Variants in HFM1 observed in about 807,000 individuals in gnomAD.
HFM1 encodes the protein probable ATP-dependent DNA helicase HFM1.
Under a neutral mutation model 192.1 loss-of-function variants are expected in HFM1, and 169 were observed. The observed-to-expected ratio is 0.88, with a 90% CI of 0.78 to 1.00. The LOEUF (loss-of-function observed/expected upper bound fraction) is 1.00. Among genes scored for constraint, HFM1 ranks in the 50% least tolerant of loss-of-function variants. The probability of loss-of-function intolerance (pLI) is 0.00; values close to 1 mark genes in which losing one functional copy is unlikely to be tolerated. For synonymous variants in HFM1, 525 were observed against 537.8 expected, an observed-to-expected ratio of 0.98 and a Z score of 0.33; for missense variants, 1,661 against 1,668.0, an observed-to-expected ratio of 1.00 and a Z score of 0.07.
At chr1:91,377,548 C>G (rs1286560417) in intron 11 of HFM1, 2 of 156,808 alleles carry the variant, frequency 1.3e-5, no homozygotes, top group Admixed American at 1.3e-4. Flanking sequence ...TCCATGTACC[C>G]CATTAACCAT....
chr1:91,287,764 A>G (rs1307104610), intron 30 of HFM1, among the ~76,000 whole-genome samples: 1 of 151,540 alleles, frequency 6.6e-6, no homozygotes, highest in Non-Finnish European at 1.5e-5. Flanking sequence ...GAAAACTTTG[A>G]AAAAAATTTA....
At chr1:91,337,180 CAT>C (rs1654707936) in intron 20 of HFM1, among the ~76,000 whole-genome samples, 1 of 152,146 alleles carries the variant, frequency 6.6e-6, no homozygotes, top group Admixed American at 6.5e-5. Flanking sequence ...CACCATGCCA[CAT>C]GTTTACCTGT....
intron 18 of HFM1, among the ~76,000 whole-genome samples, chr1:91,347,973 C>T (rs149144138): frequency 1.2e-4 from 18 of 152,050 alleles, no homozygotes; most frequent in African/African-American, 2.6e-4. Flanking sequence ...TTCATATAAA[C>T]GGAATCTTTT....
chr1:91,305,923 G>C lies in HFM1; in HGVS notation c.3391+7426C>G, dbSNP rs367964656. Reference sequence around the variant, plus strand: ...TTACTAAGACTTCCAGCACAATGTCGAATAGAAATAATAACACAGAGCATT... The same window carrying C: ...TTACTAAGACTTCCAGCACAATGTCCAATAGAAATAATAACACAGAGCATT... On this transcript the variant is annotated intron_variant, in intron 30 of 38. Transcript: ENST00000370425. Among the ~76,000 whole-genome samples, 38 of 152,122 alleles carry C rather than the reference G, an allele frequency of 2.5e-4. No homozygotes were observed. In the East Asian group the frequency reaches 6.8e-3, roughly 27 times the overall value.
At chr1:91,369,344 T>C (rs1229037777) in intron 13 of HFM1, among the ~76,000 whole-genome samples, 2 of 152,178 alleles carry the variant, frequency 1.3e-5, no homozygotes, top group African/African-American at 2.4e-5. Flanking sequence ...ACCACATAGT[T>C]GGAAGTAAAG....
intron 30 of HFM1, 100 bp from the exon 31 acceptor site, chr1:91,277,162 A>G (rs1349536293): frequency 1.2e-5 from 7 of 600,942 alleles, no homozygotes; most frequent in Non-Finnish European, 1.9e-5. Context: ...TTCAGACAAT[A>G]CAAAAATATT....
intron 30 of HFM1, among the ~76,000 whole-genome samples, chr1:91,311,786 T>A (rs1292733266): frequency 1.3e-5 from 2 of 152,146 alleles, no homozygotes; most frequent in East Asian, 3.9e-4. Flanking sequence ...CTCCAGGCCA[T>A]GTCACAGATG....
At chr1:91,307,016 A>G (rs1039771420) in intron 30 of HFM1, among the ~76,000 whole-genome samples, 1 of 152,108 alleles carries the variant, frequency 6.6e-6, no homozygotes, top group Non-Finnish European at 1.5e-5. Context: ...ATCTTCAGTA[A>G]CTTTTTGATA....
chr1:91,374,804 G>C (rs1280732916), intron 13 of HFM1, among the ~76,000 whole-genome samples: 1 of 152,068 alleles, frequency 6.6e-6, no homozygotes, highest in African/African-American at 2.4e-5. Context: ...CATAAATGTG[G>C]GAATTCATAG....
At position 91,287,343 on chromosome 1, in the gene HFM1, G is replaced by T. The variant is rs557471044; in HGVS notation, c.3392-10281C>A. On this transcript the variant is annotated intron_variant, in intron 30 of 38. Coordinates refer to ENST00000370425, the MANE Select transcript of HFM1 (RefSeq NM_001017975.6). ...AGGGGCAGACTGCCTCCTCAAGTGA[G>T]TCCCTGACCCCTGACCCCCAAGCAG... Among the ~76,000 whole-genome samples, 123 of 152,318 alleles carry T rather than the reference G, an allele frequency of 8.1e-4. 1 individual carries two copies. The highest frequency in any genetic ancestry group is 3.5e-3 in the Admixed American group (53 of 15,300).
At chr1:91,372,901 T>C (rs1236579455) in intron 13 of HFM1, among the ~76,000 whole-genome samples, 1 of 152,166 alleles carries the variant, frequency 6.6e-6, no homozygotes. Flanking sequence ...TGTTGGTTTT[T>C]CTCATTCTGT....
At chr1:91,282,606 C>A (rs893211341) in intron 30 of HFM1, among the ~76,000 whole-genome samples, 1 of 152,122 alleles carries the variant, frequency 6.6e-6, no homozygotes, top group African/African-American at 2.4e-5. Flanking sequence ...ATGCTCAAGA[C>A]TATGCTGTTA....
In HFM1 at chr1:91,261,082, C is replaced by A; in HGVS notation, c.*208G>T. The A allele has an allele frequency of 3.1e-6, 1 of 327,532 alleles. No homozygotes were observed. Among genetic ancestry groups the A allele is most frequent in the East Asian group, 4.7e-5 (1 of 21,278 alleles). The allele number at this position is 327,532 out of a possible 1,614,324, so 20.3% of individuals were successfully genotyped here. A position where few individuals can be genotyped will look rare whatever the true frequency, so the allele number is the denominator to read the frequency against. ...AACTTAAGGGCTTATTGAAACAAAG[C>A]CACTGTAAAAGAGCTTTTCAAGAAG... On this transcript the variant is annotated 3_prime_UTR_variant, in exon 39 of 39. Transcript: ENST00000370425.
At chr1:91,281,366 G>A (rs1667449301) in intron 30 of HFM1, among the ~76,000 whole-genome samples, 1 of 151,968 alleles carries the variant, frequency 6.6e-6, no homozygotes, top group African/African-American at 2.4e-5. Context: ...CTCAATAGTT[G>A]AAGGGTAAAA....
chr1:91,273,896 C>G, intron 33 of HFM1, 81 bp from the exon 34 acceptor site: 1 of 769,610 alleles, frequency 1.3e-6, no homozygotes, highest in Non-Finnish European at 2.1e-6. Flanking sequence ...TTCATATAAA[C>G]AAAAATAATG....
intron 30 of HFM1, among the ~76,000 whole-genome samples, chr1:91,298,855 C>A (rs1383102315): frequency 6.6e-6 from 1 of 152,074 alleles, no homozygotes; most frequent in Non-Finnish European, 1.5e-5. Flanking sequence ...TAAAGACCAT[C>A]GAGGCTAGGA....
At chr1:91,327,258 A>C (rs1480414831) in intron 20 of HFM1, among the ~76,000 whole-genome samples, 2 of 152,218 alleles carry the variant, frequency 1.3e-5, no homozygotes, top group Admixed American at 6.5e-5. Flanking sequence ...GGTCATGCCT[A>C]TAATCCCAGC....
intron 30 of HFM1, among the ~76,000 whole-genome samples, chr1:91,282,365 G>C (rs1667537798): frequency 6.6e-6 from 1 of 151,042 alleles, no homozygotes; most frequent in African/African-American, 2.4e-5. Context: ...TTTTGTGGTT[G>C]CAATTTAATC....
intron 30 of HFM1, among the ~76,000 whole-genome samples, chr1:91,296,283 G>A (rs1012350508): frequency 2.0e-5 from 3 of 152,078 alleles, no homozygotes; most frequent in South Asian, 2.1e-4. Flanking sequence ...AAGACTGTCC[G>A]TTTTCCAACT....
Sources: allele counts gnomAD v4.1 joint callset (sites outside exome capture counted in the v4.1 genomes callset), GRCh38; gene constraint gnomAD v4.1.1; transcripts MANE v1.5; gene names NCBI Gene and HGNC (gene_info 2026-07-23, HGNC 2026-07-21).